Variants in SORT1 observed in about 807,000 individuals in gnomAD.
The protein encoded by SORT1 is sortilin 1, also known as sortilin.
Under a neutral mutation model 101.7 loss-of-function variants are expected in SORT1, and 39 were observed. That is an observed-to-expected ratio of 0.38 (90% CI 0.30 to 0.50). SORT1 has a LOEUF of 0.50. Ranked by LOEUF, SORT1 falls within the 20% of genes least tolerant of loss-of-function variation. The pLI is 0.90. For missense variants in SORT1, 878 were observed against 1,040.4 expected (o/e 0.84, Z 2.15); for synonymous variants, 396 against 393.7 (o/e 1.01, Z -0.07).
intron 1 of SORT1, among the ~76,000 whole-genome samples, chr1:109,375,365 A>ACGG (rs1651757139): frequency 6.6e-6 from 1 of 152,058 alleles, no homozygotes; most frequent in Non-Finnish European, 1.5e-5. Context: ...GATCAAGACC[A>ACGG]TCCCCGTCTC....
rs74726354 is a variant in SORT1, at chr1:109,383,922, C to T, written c.306+13665G>A. 5.3e-3 allele frequency among the ~76,000 whole-genome samples: 811 copies of T among 152,170 alleles called. 11 individuals are homozygous for T. Among genetic ancestry groups the T allele is most frequent in the African/African-American group, 0.019 (781 of 41,502 alleles). ...AGTACCAGGCTAATAATCAGTCAAC[C>T]CAAATTTTATTTCCAGCTCTACAAA... On this transcript the variant is annotated intron_variant, in intron 1 of 19. Coordinates refer to ENST00000256637, the MANE Select transcript of SORT1 (RefSeq NM_002959.7).
intron 1 of SORT1, among the ~76,000 whole-genome samples, chr1:109,394,299 C>T (rs2100936823): frequency 6.6e-6 from 1 of 152,202 alleles, no homozygotes; most frequent in East Asian, 1.9e-4. Flanking sequence ...TCCTCTCCTG[C>T]CTCAACTCCT....
intron 2 of SORT1, among the ~76,000 whole-genome samples, chr1:109,368,288 T>C (rs1381928772): frequency 7.7e-6 from 1 of 129,178 alleles, no homozygotes; most frequent in Non-Finnish European, 1.6e-5. Context: ...AGCAAGACTC[T>C]GTCTCAAAAA....
chr1:109,379,321 C>T (rs574405834), intron 1 of SORT1, among the ~76,000 whole-genome samples: 6 of 150,938 alleles, frequency 4.0e-5, no homozygotes, highest in Non-Finnish European at 5.9e-5. Flanking sequence ...AAAAATCATA[C>T]AAAAAAATCT....
intron 1 of SORT1, among the ~76,000 whole-genome samples, chr1:109,379,314 A>C (rs1652076636): frequency 6.6e-6 from 1 of 151,986 alleles, no homozygotes; most frequent in Non-Finnish European, 1.5e-5. Context: ...AAAAAAAAAA[A>C]ATCATACAAA....
At chr1:109,395,682 C>T (rs888735923) in intron 1 of SORT1, among the ~76,000 whole-genome samples, 1 of 152,114 alleles carries the variant, frequency 6.6e-6, no homozygotes, top group Admixed American at 6.5e-5. Context: ...CAGATTTGGC[C>T]TTAGAACCCC....
intron 16 of SORT1, among the ~76,000 whole-genome samples, chr1:109,317,649 G>C (rs990926104): frequency 6.6e-6 from 1 of 152,186 alleles, no homozygotes; most frequent in African/African-American, 2.4e-5. Flanking sequence ...TGGTGTTGGT[G>C]GGGTTGAGTC....
At chr1:109,384,210 C>T (rs759294566) in intron 1 of SORT1, among the ~76,000 whole-genome samples, 1 of 152,082 alleles carries the variant, frequency 6.6e-6, no homozygotes, top group African/African-American at 2.4e-5. Context: ...GGATACTCAC[C>T]GAAAAGAAGC....
chr1:109,359,789 C>A (rs536872886), intron 3 of SORT1, among the ~76,000 whole-genome samples: 4 of 152,146 alleles, frequency 2.6e-5, no homozygotes, highest in Non-Finnish European at 4.4e-5. Flanking sequence ...CATGAGTTAC[C>A]GCATCTGGCC....
At chr1:109,329,422 T>G (rs774200633) in intron 11 of SORT1, among the ~76,000 whole-genome samples, 1 of 151,984 alleles carries the variant, frequency 6.6e-6, no homozygotes, top group Admixed American at 6.6e-5. Context: ...CCCGGCTAAT[T>G]TTTTGTATTT....
intron 11 of SORT1, 105 bp downstream of exon 11, chr1:109,336,135 C>T: frequency 2.9e-6 from 2 of 697,406 alleles, no homozygotes; most frequent in Non-Finnish European, 5.1e-6. Flanking sequence ...CCACCTTATG[C>T]TGAGGACCCT....
intron 3 of SORT1, among the ~76,000 whole-genome samples, chr1:109,357,860 T>A (rs1026692926): frequency 6.6e-6 from 1 of 152,204 alleles, no homozygotes; most frequent in African/African-American, 2.4e-5. Context: ...TTCTTTGGCT[T>A]TGCAGTAGAT....
intron 1 of SORT1, among the ~76,000 whole-genome samples, chr1:109,378,711 T>C (rs1652019092): frequency 1.9e-4 from 1 of 5,180 alleles, no homozygotes; most frequent in African/African-American, 4.7e-4. Context: ...TATATATATA[T>C]ATATATATAT....
intron 1 of SORT1, among the ~76,000 whole-genome samples, chr1:109,395,039 A>T (rs1239442949): frequency 1.3e-5 from 2 of 152,060 alleles, no homozygotes; most frequent in East Asian, 1.9e-4. Context: ...CCAAATAAAT[A>T]AACAGAAGAA....
rs1018888283 is a variant in SORT1 at position 109,321,056 on chromosome 1, T to A, written c.2024+1876A>T. On this transcript the variant is annotated intron_variant, in intron 15 of 19. Coordinates refer to ENST00000256637, the MANE Select transcript of SORT1 (RefSeq NM_002959.7). ...ACGGGCATATCAGTCATGTCCTCTC[T>A]GTTGCGAGGTTAAATGTAAATTGCT... Among the ~76,000 whole-genome samples, 3 of 152,196 alleles carry A rather than the reference T, an allele frequency of 2.0e-5. No homozygotes were observed. In the East Asian group the frequency reaches 5.8e-4, roughly 29 times the overall value.
chr1:109,325,097 C>A lies in SORT1; in HGVS notation c.1644-8G>T. On this transcript the variant is annotated splice_region_variant and splice_polypyrimidine_tract_variant and intron_variant, in intron 13 of 19. Transcript: ENST00000256637. ...CCTTCGTCTGTGGAGAACCTGAAACCACAATTACAGAAAGATCATGACAGA... is the reference window on the plus strand; with the variant it reads ...CCTTCGTCTGTGGAGAACCTGAAACAACAATTACAGAAAGATCATGACAGA... 6.3e-7 allele frequency: 1 copy of A among 1,593,316 alleles called. No individual in the cohort carries two copies. Among genetic ancestry groups the A allele is most frequent in the Non-Finnish European group, 8.6e-7 (1 of 1,164,760 alleles).
intron 17 of SORT1, among the ~76,000 whole-genome samples, chr1:109,315,034 G>A (rs957736401): frequency 1.3e-5 from 2 of 152,074 alleles, no homozygotes; most frequent in Non-Finnish European, 2.9e-5. Flanking sequence ...AAGTTACACT[G>A]GAAGCCTGGG....
chr1:109,376,223 G>A (rs984941653), intron 1 of SORT1, among the ~76,000 whole-genome samples: 5 of 151,472 alleles, frequency 3.3e-5, no homozygotes, highest in Non-Finnish European at 5.9e-5. Flanking sequence ...CCAGCTACTC[G>A]GAGAGGCTGA....
intron 7 of SORT1, among the ~76,000 whole-genome samples, chr1:109,346,600 C>T (rs1649613847): frequency 6.6e-6 from 1 of 151,832 alleles, no homozygotes; most frequent in African/African-American, 2.4e-5. Flanking sequence ...AAAAAATTAG[C>T]CGGGCGTGGT....
Sources: gnomAD v4.1 joint callset for allele counts (sites outside exome capture counted in the v4.1 genomes callset) on GRCh38, gnomAD v4.1.1 for gene constraint, MANE v1.5 for transcripts, NCBI Gene and HGNC (gene_info 2026-07-23, HGNC 2026-07-21) for gene names.